TRAPPC9: variants seen among roughly 807,000 people sequenced by gnomAD.
TRAPPC9 encodes IKK2 binding protein.
TRAPPC9 carries 83 observed loss-of-function variants against 124.0 expected under a neutral mutation model. The ratio of observed to expected loss-of-function variants is 0.67; its 90% CI spans 0.56 to 0.80. The LOEUF is 0.80. Ranked by LOEUF, TRAPPC9 falls within the 30% of genes least tolerant of loss-of-function variation. The probability of loss-of-function intolerance (pLI) is 0.00; values close to 1 mark genes in which losing one functional copy is unlikely to be tolerated. For missense variants in TRAPPC9, 1,302 were observed against 1,508.3 expected, an observed-to-expected ratio of 0.86 and a Z score of 2.27; for synonymous variants, 638 against 617.5, an observed-to-expected ratio of 1.03 and a Z score of -0.49.
chr8:140,056,217 T>C (rs1842280684), intron 17 of TRAPPC9, among the ~76,000 whole-genome samples: 2 of 151,646 alleles, frequency 1.3e-5, no homozygotes, highest in African/African-American at 2.4e-5. Context: ...GAGACCAGCA[T>C]GGGCAACACA....
At chr8:140,396,138 CTTTTTTTT>C (rs59266343) in intron 7 of TRAPPC9, among the ~76,000 whole-genome samples, 2 of 83,358 alleles carry the variant, frequency 2.4e-5, no homozygotes, top group South Asian at 4.4e-4. Flanking sequence ...AAGACCTTGC[CTTTTTTTT>C]TTTTTTTTTT....
At chr8:139,976,307 G>T (rs1836461097) in intron 19 of TRAPPC9, among the ~76,000 whole-genome samples, 1 of 152,150 alleles carries the variant, frequency 6.6e-6, no homozygotes, top group South Asian at 2.1e-4. Context: ...GGACATAAAT[G>T]TAAGATTTAA....
intron 17 of TRAPPC9, among the ~76,000 whole-genome samples, chr8:140,140,284 G>A (rs901199390): frequency 2.6e-5 from 4 of 152,154 alleles, no homozygotes; most frequent in Non-Finnish European, 5.9e-5. Context: ...CCACTCCTTC[G>A]CATGTTTATA....
At chr8:139,886,045 G>T in intron 20 of TRAPPC9, 76 bp from the exon 21 acceptor site, 2 of 1,406,814 alleles carry the variant, frequency 1.4e-6, no homozygotes, top group Non-Finnish European at 2.0e-6. Context: ...TCTAGACAGA[G>T]ACCCTCAGAT....
intron 5 of TRAPPC9, among the ~76,000 whole-genome samples, chr8:140,412,677 G>A (rs980082953): frequency 7.9e-5 from 12 of 152,040 alleles, no homozygotes; most frequent in African/African-American, 2.4e-4. Context: ...TGGGAAATAC[G>A]GGTGAAGAGT....
intron 19 of TRAPPC9, among the ~76,000 whole-genome samples, chr8:139,977,547 G>A (rs1270051055): frequency 6.6e-6 from 1 of 151,084 alleles, no homozygotes; most frequent in African/African-American, 2.4e-5. Context: ...GAACCTGGGA[G>A]GCAGAGCTTG....
intron 19 of TRAPPC9, among the ~76,000 whole-genome samples, chr8:139,940,871 G>A (rs745608306): frequency 1.3e-5 from 2 of 152,252 alleles, no homozygotes; most frequent in Non-Finnish European, 2.9e-5. Flanking sequence ...AGTTCCGGCA[G>A]GGCGCTGGGC....
At chr8:139,844,604 C>T (rs1826948786) in intron 21 of TRAPPC9, among the ~76,000 whole-genome samples, 1 of 152,190 alleles carries the variant, frequency 6.6e-6, no homozygotes. Flanking sequence ...AATTTTACAC[C>T]TTAAATTAAG....
intron 13 of TRAPPC9, among the ~76,000 whole-genome samples, chr8:140,286,977 G>A (rs1462714915): frequency 6.6e-6 from 1 of 152,120 alleles, no homozygotes; most frequent in Non-Finnish European, 1.5e-5. Context: ...GAAGACAAAA[G>A]AGACCCAAAC....
At chr8:139,885,814 G>T in intron 21 of TRAPPC9, 65 bp downstream of exon 21, 1 of 1,479,830 alleles carries the variant, frequency 6.8e-7, no homozygotes, top group Non-Finnish European at 9.2e-7. Flanking sequence ...CCAAGACCTT[G>T]CTCGTGCATT....
rs2130083899 is a variant in TRAPPC9, at chr8:139,742,169, T to C, written c.3056-9967A>G. ...AGGCCTGACTGCTCCACGCCTTCTA[T>C]GGCACTGTGGTTGCCTGGCTCTGGT... On this transcript the variant is annotated intron_variant, in intron 21 of 22. Coordinates refer to ENST00000438773, the MANE Select transcript of TRAPPC9 (RefSeq NM_001160372.4). The surrounding 1 kb of genome is among the most constrained non-coding windows in gnomAD (Gnocchi z 4.7). Among the ~76,000 whole-genome samples, 1 of 152,364 alleles carries C rather than the reference T, an allele frequency of 6.6e-6. No homozygotes were observed. Among genetic ancestry groups the C allele is most frequent in the South Asian group, 2.1e-4 (1 of 4,828 alleles).
chr8:139,845,237 C>T (rs1478945885), intron 21 of TRAPPC9, among the ~76,000 whole-genome samples: 4 of 152,114 alleles, frequency 2.6e-5, no homozygotes, highest in Non-Finnish European at 4.4e-5. Context: ...TGCCACCAAG[C>T]ATTGTAGGGT....
At chr8:140,458,417 GC>G (rs1333280284), upstream of TRAPPC9, 3 of 1,587,464 alleles carry the variant, frequency 1.9e-6, no homozygotes, top group Non-Finnish European at 8.5e-7. Context: ...CCACGGTCGT[GC>G]CCCCCACGTG....
chr8:139,884,739 C>T (rs1829891622), intron 21 of TRAPPC9, among the ~76,000 whole-genome samples: 1 of 152,176 alleles, frequency 6.6e-6, no homozygotes, highest in Non-Finnish European at 1.5e-5. Context: ...CTGTGAAACC[C>T]TCTGCAGAAA....
At chr8:140,360,627 T>C (rs1371900842) in intron 8 of TRAPPC9, among the ~76,000 whole-genome samples, 2 of 134,222 alleles carry the variant, frequency 1.5e-5, no homozygotes, top group Non-Finnish European at 3.3e-5. Context: ...GAAAAGTAGA[T>C]AGCTAAATTA....
intron 17 of TRAPPC9, among the ~76,000 whole-genome samples, chr8:140,102,445 C>T (rs1407150147): frequency 6.6e-6 from 1 of 151,808 alleles, no homozygotes; most frequent in Non-Finnish European, 1.5e-5. Context: ...AATATTTGTC[C>T]AATAAATAAA....
intron 17 of TRAPPC9, among the ~76,000 whole-genome samples, chr8:140,073,878 T>G (rs1843340449): frequency 6.6e-6 from 1 of 152,156 alleles, no homozygotes; most frequent in African/African-American, 2.4e-5. Flanking sequence ...CCCTAGTAAA[T>G]GAGTTAAATT....
At chr8:139,932,716 A>G (rs1356897298) in intron 19 of TRAPPC9, 2 of 366,804 alleles carry the variant, frequency 5.5e-6, no homozygotes, top group African/African-American at 4.3e-5. Flanking sequence ...GTGAGCCGAG[A>G]TGGTACCTCT....
chr8:139,735,767 T>A (rs1342007938), intron 21 of TRAPPC9, among the ~76,000 whole-genome samples: 1 of 151,826 alleles, frequency 6.6e-6, no homozygotes, highest in East Asian at 1.9e-4. Flanking sequence ...GGCCTGCCTG[T>A]TTAACCCTTC....
Sources: allele counts gnomAD v4.1 joint callset (sites outside exome capture counted in the v4.1 genomes callset), GRCh38; gene constraint gnomAD v4.1.1; non-coding constraint Gnocchi (gnomAD v3.1); transcripts MANE v1.5; gene names NCBI Gene and HGNC (gene_info 2026-07-23, HGNC 2026-07-21).